ASTN2: variants seen among roughly 807,000 people sequenced by gnomAD.
ASTN2 encodes the protein astrotactin 2.
In ASTN2, 54 loss-of-function variants were observed where a neutral mutation model predicts 139.8. That is an observed-to-expected ratio of 0.39 (90% CI 0.31 to 0.48). ASTN2 has a LOEUF of 0.48. ASTN2 is among the 20% of genes least tolerant of loss of function. ASTN2 has a pLI of 0.95. For synonymous variants in ASTN2, 756 were observed against 719.5 expected (o/e 1.05, Z -0.81); for missense variants, 1,565 against 1,725.1 (o/e 0.91, Z 1.64).
At chr9:116,502,826 A>C (rs1470990335) in intron 19 of ASTN2, among the ~76,000 whole-genome samples, 1 of 148,178 alleles carries the variant, frequency 6.7e-6, no homozygotes, top group African/African-American at 2.5e-5. Context: ...GAAGAGAATG[A>C]AGGAGGGAGG....
At chr9:117,242,410 G>A (rs1833243489) in intron 2 of ASTN2, among the ~76,000 whole-genome samples, 1 of 152,136 alleles carries the variant, frequency 6.6e-6, no homozygotes. Flanking sequence ...GTACTTAATA[G>A]AGGAAAGTCG....
At chr9:116,583,944 C>G (rs1357403009) in intron 19 of ASTN2, 1 of 152,182 alleles carries the variant, frequency 6.6e-6, no homozygotes, top group Admixed American at 6.5e-5. Context: ...TATATTCAAT[C>G]ACTCCCTCTA....
chr9:117,041,920 C>A (rs1264551016), intron 5 of ASTN2, among the ~76,000 whole-genome samples: 1 of 152,132 alleles, frequency 6.6e-6, no homozygotes, highest in Non-Finnish European at 1.5e-5. Flanking sequence ...AGATAAACTA[C>A]CCATATTCAT....
intron 19 of ASTN2, among the ~76,000 whole-genome samples, chr9:116,581,479 T>C (rs1564131818): frequency 6.6e-6 from 1 of 152,232 alleles, no homozygotes; most frequent in South Asian, 2.1e-4. Context: ...TTTTGGTCAG[T>C]TGGCTTTATC....
intron 17 of ASTN2, among the ~76,000 whole-genome samples, chr9:116,644,395 T>C (rs965737902): frequency 2.0e-5 from 3 of 152,312 alleles, no homozygotes; most frequent in Non-Finnish European, 4.4e-5. Context: ...CATTCAGATC[T>C]ACAGAGTATT....
At chr9:117,406,654 T>G (rs1434270153) in intron 1 of ASTN2, among the ~76,000 whole-genome samples, 1 of 152,040 alleles carries the variant, frequency 6.6e-6, no homozygotes, top group Non-Finnish European at 1.5e-5. Context: ...GCTAACTCCT[T>G]CCCCTTCTTT....
intron 16 of ASTN2, among the ~76,000 whole-genome samples, chr9:116,653,522 C>G (rs931855004): frequency 6.6e-6 from 1 of 152,220 alleles, no homozygotes; most frequent in Non-Finnish European, 1.5e-5. Flanking sequence ...CACAGATGTG[C>G]AGTGCATAAT....
intron 5 of ASTN2, among the ~76,000 whole-genome samples, chr9:117,071,322 C>T (rs1392947391): frequency 4.0e-5 from 6 of 151,766 alleles, no homozygotes; most frequent in African/African-American, 9.7e-5. Context: ...TTAGGCTGCT[C>T]GGGGGTCAGG....
At chr9:117,058,516 T>C (rs1222288404) in intron 5 of ASTN2, among the ~76,000 whole-genome samples, 2 of 152,236 alleles carry the variant, frequency 1.3e-5, no homozygotes, top group African/African-American at 2.4e-5. Flanking sequence ...CTTAAGTTAA[T>C]ATAAATGAAA....
At chr9:116,782,425 G>C (rs1317130231) in intron 13 of ASTN2, among the ~76,000 whole-genome samples, 1 of 152,162 alleles carries the variant, frequency 6.6e-6, no homozygotes, top group Non-Finnish European at 1.5e-5. Flanking sequence ...TGAGGAGACA[G>C]CCATTCTTCT....
intron 19 of ASTN2, among the ~76,000 whole-genome samples, chr9:116,516,124 A>G (rs903387294): frequency 3.3e-5 from 5 of 152,208 alleles, no homozygotes; most frequent in Non-Finnish European, 4.4e-5. Flanking sequence ...AGGAAATACA[A>G]CTACATCTAG....
chr9:116,704,451 C>T (rs146064726), intron 16 of ASTN2, among the ~76,000 whole-genome samples: 5 of 152,234 alleles, frequency 3.3e-5, no homozygotes, highest in Non-Finnish European at 7.4e-5. Flanking sequence ...TAGAGTTTTC[C>T]TTGGTAAAAG....
chr9:116,626,885 C>T (rs564128643), intron 17 of ASTN2, among the ~76,000 whole-genome samples: 48 of 152,278 alleles, frequency 3.2e-4, no homozygotes, highest in Non-Finnish European at 5.9e-4. Flanking sequence ...TCTAACCCAG[C>T]CTGGAACTCT....
At chr9:116,509,419 TTG>T (rs1850265660) in intron 19 of ASTN2, among the ~76,000 whole-genome samples, 1 of 152,196 alleles carries the variant, frequency 6.6e-6, no homozygotes, top group Non-Finnish European at 1.5e-5. Flanking sequence ...TGATGGACAT[TTG>T]GGTTGGTTCC....
chr9:116,704,263 T>G (rs181533459), intron 16 of ASTN2, among the ~76,000 whole-genome samples: 11 of 152,324 alleles, frequency 7.2e-5, no homozygotes. Context: ...CCAATGGAAT[T>G]GTTGAGTTCC....
At chr9:117,065,444 C>A (rs1827907616) in intron 5 of ASTN2, among the ~76,000 whole-genome samples, 2 of 152,116 alleles carry the variant, frequency 1.3e-5, no homozygotes. Flanking sequence ...CTTGACTGAA[C>A]CCATGAGCTG....
chr9:117,071,759 G>C (rs1363143933), intron 5 of ASTN2, among the ~76,000 whole-genome samples: 3 of 151,302 alleles, frequency 2.0e-5, no homozygotes, highest in Non-Finnish European at 4.4e-5. Flanking sequence ...ACTCGGGTGG[G>C]AGTGACCCGA....
At position 116,651,780 on chromosome 9, in the gene ASTN2, C is replaced by T. The variant is rs1367145984; in HGVS notation, c.2820G>A (p.Leu940=). 6.2e-7 allele frequency: 1 copy of T among 1,613,606 alleles called. No homozygotes were observed. The highest frequency in any genetic ancestry group is 1.3e-5 in the African/African-American group (1 of 74,904). Residue 940 remains leucine (L), a synonymous_variant, in exon 17 of 23, where the codon CTG becomes CTA. Transcript: ENST00000313400. ...TGGACTTGAGCTCCTTCTTGCTGCC[C>T]AGCTCTGTGGTCTCTGGAGAGGCAC... ...WLQYQKETTE[L]GSKKELKSMP... is the part of the protein sequence containing the mutation.
chr9:117,087,357 C>G (rs1242754076), intron 5 of ASTN2, among the ~76,000 whole-genome samples: 1 of 152,024 alleles, frequency 6.6e-6, no homozygotes, highest in African/African-American at 2.4e-5. Flanking sequence ...GCCTCAGCCT[C>G]CTGAGTAGCT....
Sources: gnomAD v4.1 joint callset for allele counts (sites outside exome capture counted in the v4.1 genomes callset) on GRCh38, gnomAD v4.1.1 for gene constraint, MANE v1.5 for transcripts, NCBI Gene and HGNC (gene_info 2026-07-23, HGNC 2026-07-21) for gene names.